DKK2: variants seen among roughly 807,000 people sequenced by gnomAD.
DKK2 encodes dickkopf-related protein 2.
DKK2 carries 11 observed loss-of-function variants against 28.1 expected under a neutral mutation model. The observed-to-expected ratio is 0.39, with a 90% CI of 0.25 to 0.65. The LOEUF is 0.65. Among genes scored for constraint, DKK2 ranks in the 30% least tolerant of loss-of-function variants. DKK2 has a pLI of 0.47. For synonymous variants in DKK2, 135 were observed against 126.5 expected, an observed-to-expected ratio of 1.07 and a Z score of -0.45; for missense variants, 326 against 335.5, an observed-to-expected ratio of 0.97 and a Z score of 0.22.
chr4:106,982,918 T>A (rs1578367220), intron 1 of DKK2, among the ~76,000 whole-genome samples: 1 of 128,936 alleles, frequency 7.8e-6, no homozygotes, highest in Admixed American at 8.6e-5. Flanking sequence ...CTTCTATACA[T>A]TGGGGAGGGA....
At chr4:106,969,282 C>T (rs767802102) in intron 1 of DKK2, among the ~76,000 whole-genome samples, 30 of 151,324 alleles carry the variant, frequency 2.0e-4, no homozygotes, top group Non-Finnish European at 1.8e-4. Context: ...TTTCCTCTCT[C>T]ATCTCTCATC....
intron 1 of DKK2, among the ~76,000 whole-genome samples, chr4:106,999,634 C>T (rs1208559190): frequency 6.6e-6 from 1 of 152,184 alleles, no homozygotes; most frequent in East Asian, 1.9e-4. Flanking sequence ...CATGAGCCAC[C>T]GTGCCCGGCC....
In DKK2 at chr4:106,925,915, A is replaced by G. The variant is rs1724418262; in HGVS notation, c.257T>C (p.Val86Ala). 6.2e-7 allele frequency: 1 copy of G among 1,613,466 alleles called. No homozygotes were observed. Among genetic ancestry groups the G allele is most frequent in the African/African-American group, 1.3e-5 (1 of 74,904 alleles). ...YPCSSDKECE[V>A]GRYCHSPHQG... ...GTGGGGACTGTGGCAATACCTCCCA[A>G]CTTCACACTCCTTATCACTGCTACA... Residue 86 changes from valine (V) to alanine (A), a missense_variant, in exon 2 of 4, where the codon GTT becomes GCT. Coordinates refer to ENST00000285311, the MANE Select transcript of DKK2 (RefSeq NM_014421.3).
At chr4:106,959,913 G>C (rs539234386) in intron 1 of DKK2, among the ~76,000 whole-genome samples, 1 of 151,886 alleles carries the variant, frequency 6.6e-6, no homozygotes, top group East Asian at 1.9e-4. Context: ...AATTTGCTTA[G>C]TGTCATAAAA....
At position 107,035,506 on chromosome 4, in the gene DKK2, C is replaced by A. The variant is rs146980091; in HGVS notation, c.86G>T (p.Gly29Val). 3,239 of 1,614,174 alleles carry A rather than the reference C, an allele frequency of 2.0e-3. 117 individuals are homozygous for A. The East Asian group carries it at 0.061, about 30-fold the overall frequency. ...AVLMVESSQI[G>V]SSRAKLNSIK... is the part of the protein sequence containing the mutation. ...GGAGTTGAGTTTGGCCCGCGAACTGCCGATCTGTGAGCTCTCCACCATCAG... is the reference window on the plus strand; with the variant it reads ...GGAGTTGAGTTTGGCCCGCGAACTGACGATCTGTGAGCTCTCCACCATCAG... Residue 29 changes from glycine to valine, a missense_variant, in exon 1 of 4, where the codon GGC (glycine) becomes GTC (valine). Gly to Val is a moderately radical substitution (Grantham distance 109, BLOSUM62 -3). Transcript: ENST00000285311.
chr4:107,003,792 T>C (rs1409269815), intron 1 of DKK2, among the ~76,000 whole-genome samples: 1 of 152,220 alleles, frequency 6.6e-6, no homozygotes, highest in Non-Finnish European at 1.5e-5. Flanking sequence ...CTTATTAAAA[T>C]TTAAAATATC....
chr4:106,965,040 A>T (rs1722751639), intron 1 of DKK2, among the ~76,000 whole-genome samples: 2 of 152,164 alleles, frequency 1.3e-5, no homozygotes, highest in Admixed American at 1.3e-4. Context: ...ACTTTGCCTG[A>T]TATAGTTCAG....
At position 106,973,514 on chromosome 4, in the gene DKK2, T is replaced by C. The variant is rs139739141; in HGVS notation, c.223-47565A>G. On this transcript the variant is annotated intron_variant, in intron 1 of 3. Coordinates refer to ENST00000285311, the MANE Select transcript of DKK2 (RefSeq NM_014421.3). ...GATGATGAGCTTTTTTTCCTGTTTG[T>C]TGGCCACATAAATGTCTTCTTTTGA... Among the ~76,000 whole-genome samples the C allele has an allele frequency of 3.4e-3, 520 of 152,364 alleles. 3 individuals are homozygous for C. Among genetic ancestry groups the C allele is most frequent in the African/African-American group, 0.012 (507 of 41,578 alleles).
chr4:107,007,756 G>C (rs1351534578), intron 1 of DKK2, among the ~76,000 whole-genome samples: 1 of 152,104 alleles, frequency 6.6e-6, no homozygotes, highest in East Asian at 1.9e-4. Context: ...GATTTAATTG[G>C]TCTGAAGTGT....
chr4:106,924,908 T>G (rs944878148), intron 2 of DKK2, among the ~76,000 whole-genome samples: 1 of 152,216 alleles, frequency 6.6e-6, no homozygotes. Flanking sequence ...TTTGTCTCTC[T>G]CAAGACCAAG....
At chr4:107,032,002 T>C (rs149483373) in intron 1 of DKK2, among the ~76,000 whole-genome samples, 1 of 152,066 alleles carries the variant, frequency 6.6e-6, no homozygotes, top group East Asian at 1.9e-4. Flanking sequence ...AACAGTATCC[T>C]TAGAAATTGA....
chr4:107,004,345 C>A (rs1449364106), intron 1 of DKK2, among the ~76,000 whole-genome samples: 1 of 152,158 alleles, frequency 6.6e-6, no homozygotes. Flanking sequence ...AGAAGAAAAA[C>A]TAATTGTGTT....
At chr4:106,944,549 ACTTTCTTTAG>A (rs1724750185) in intron 1 of DKK2, among the ~76,000 whole-genome samples, 1 of 152,118 alleles carries the variant, frequency 6.6e-6, no homozygotes, top group Non-Finnish European at 1.5e-5. Context: ...AAATTTACAT[ACTTTCTTTAG>A]CATAAGCTTG....
Position 106,966,414 on chromosome 4 carries a change from A to G in DKK2, c.223-40465T>C, listed in dbSNP as rs141711604. Among the ~76,000 whole-genome samples the G allele has an allele frequency of 5.9e-3, 906 of 152,298 alleles. 10 individuals carry two copies. The highest frequency in any genetic ancestry group is 0.02 in the African/African-American group (845 of 41,554). ...CATTTTACACAATGAAATATATATA[A>G]GAATATGCAACCACTCTCCATCTCT... On this transcript the variant is annotated intron_variant, in intron 1 of 3. Coordinates refer to ENST00000285311, the MANE Select transcript of DKK2 (RefSeq NM_014421.3).
intron 1 of DKK2, among the ~76,000 whole-genome samples, chr4:106,991,664 T>A (rs1723205762): frequency 6.6e-6 from 1 of 152,150 alleles, no homozygotes. Context: ...AGTGTTTTCG[T>A]TTTATGCTAA....
chr4:106,931,382 G>C (rs1724502355), intron 1 of DKK2, among the ~76,000 whole-genome samples: 1 of 151,968 alleles, frequency 6.6e-6, no homozygotes, highest in Admixed American at 6.6e-5. Flanking sequence ...TACTAGGTCA[G>C]TGACAATACA....
chr4:106,924,321 T>C (rs1341408868), intron 3 of DKK2, 117 bp from the exon 4 acceptor site: 1 of 1,398,502 alleles, frequency 7.2e-7, no homozygotes, highest in Non-Finnish European at 9.5e-7. Flanking sequence ...GTTGTTACCA[T>C]TTATAATGAA....
intron 1 of DKK2, among the ~76,000 whole-genome samples, chr4:106,926,677 A>G (rs939808682): frequency 1.3e-5 from 2 of 152,196 alleles, no homozygotes; most frequent in Admixed American, 6.5e-5. Flanking sequence ...CCCACAGGCT[A>G]CTACGCCTTC....
chr4:106,935,403 C>A (rs1264921176), intron 1 of DKK2, among the ~76,000 whole-genome samples: 1 of 152,224 alleles, frequency 6.6e-6, no homozygotes, highest in Non-Finnish European at 1.5e-5. Flanking sequence ...CTGCGCTTTT[C>A]CAATGGGCTT....
Sources: allele counts gnomAD v4.1 joint callset (sites outside exome capture counted in the v4.1 genomes callset), GRCh38; gene constraint gnomAD v4.1.1; transcripts MANE v1.5; gene names NCBI Gene and HGNC (gene_info 2026-07-23, HGNC 2026-07-21).